The following TNKS2 variants were observed in gnomAD, a reference collection of about 807,000 sequenced individuals.
TNKS2 encodes tankyrase 2, also known as poly [ADP-ribose] polymerase tankyrase-2.
A neutral mutation model predicts 137.6 loss-of-function variants in TNKS2; 72 were observed. The ratio of observed to expected loss-of-function variants is 0.52; its 90% CI spans 0.43 to 0.64. The LOEUF (loss-of-function observed/expected upper bound fraction) is 0.64, where lower values mean the gene tolerates loss of function less well. TNKS2 is among the 30% of genes least tolerant of loss of function. TNKS2 has a pLI of 0.00. For missense variants in TNKS2, 1,049 were observed against 1,410.2 expected (o/e 0.74, Z 4.10); for synonymous variants, 516 against 512.1 (o/e 1.01, Z -0.10).
intron 6 of TNKS2, among the ~76,000 whole-genome samples, chr10:91,820,714 GGA>G (rs1292827841): frequency 1.3e-5 from 2 of 152,206 alleles, no homozygotes; most frequent in African/African-American, 4.8e-5. Context: ...TGGCTAAATT[GGA>G]GAGAGAGGAG....
intron 2 of TNKS2, among the ~76,000 whole-genome samples, chr10:91,815,948 CTTT>C (rs10691725): frequency 1.6e-5 from 2 of 125,136 alleles, no homozygotes; most frequent in East Asian, 2.3e-4. Context: ...AAGACTTTCT[CTTT>C]TTTTTTTTTT....
rs117001607 is a variant in TNKS2 at position 91,803,121 on chromosome 10, A to G, written c.199+4232A>G. 2.8e-4 allele frequency among the ~76,000 whole-genome samples: 42 copies of G among 152,352 alleles called. No homozygotes were observed. The East Asian group carries it at 7.7e-3, about 28-fold the overall frequency. ...ACTAATCTGGCCAGACAGTATGTCT[A>G]TCCCAAGTTGAGATGGGCAAAGTCC... On this transcript the variant is annotated intron_variant, in intron 1 of 26. Transcript: ENST00000371627.
intron 7 of TNKS2, among the ~76,000 whole-genome samples, chr10:91,823,743 T>C (rs1844981617): frequency 6.6e-6 from 1 of 152,198 alleles, no homozygotes. Context: ...GCACCCATTC[T>C]ACTCCTTCAG....
chr10:91,861,112 AC>A (rs1842840000), intron 25 of TNKS2, among the ~76,000 whole-genome samples: 1 of 152,170 alleles, frequency 6.6e-6, no homozygotes, highest in Non-Finnish European at 1.5e-5. Flanking sequence ...AGGGTAATCT[AC>A]TGAAACTGGT....
intron 24 of TNKS2, among the ~76,000 whole-genome samples, chr10:91,858,977 C>G (rs1026735724): frequency 7.2e-5 from 11 of 151,936 alleles, no homozygotes; most frequent in African/African-American, 2.7e-4. Flanking sequence ...CCACTGCACT[C>G]CAGCCTGGGC....
chr10:91,840,415 TAAG>T (rs1842175351), intron 13 of TNKS2, 143 bp from the exon 14 acceptor site: 2 of 666,230 alleles, frequency 3.0e-6, no homozygotes, highest in Admixed American at 3.1e-5. Context: ...CAAGGTGAAA[TAAG>T]AATACTAAAT....
chr10:91,829,112 A>C (rs991021587), intron 9 of TNKS2, among the ~76,000 whole-genome samples: 4 of 152,214 alleles, frequency 2.6e-5, no homozygotes, highest in Admixed American at 2.6e-4. Flanking sequence ...AGAGAAGATA[A>C]GTAAGTTAAT....
chr10:91,806,613 A>G (rs1441157791), intron 1 of TNKS2, among the ~76,000 whole-genome samples: 4 of 152,098 alleles, frequency 2.6e-5, no homozygotes, highest in African/African-American at 9.7e-5. Flanking sequence ...AAATAAGGCA[A>G]AGCATACTTG....
chr10:91,820,620 A>T (rs1312982012), intron 6 of TNKS2, among the ~76,000 whole-genome samples: 2 of 152,222 alleles, frequency 1.3e-5, no homozygotes, highest in African/African-American at 4.8e-5. Flanking sequence ...AGCCTAAGTA[A>T]TTCAAAGTTC....
intron 18 of TNKS2, among the ~76,000 whole-genome samples, chr10:91,847,321 T>C (rs930256565): frequency 6.6e-6 from 1 of 152,166 alleles, no homozygotes; most frequent in African/African-American, 2.4e-5. Context: ...TACCAATAAA[T>C]GTGAGGACTT....
intron 8 of TNKS2, among the ~76,000 whole-genome samples, chr10:91,827,988 A>G (rs1223838761): frequency 1.3e-5 from 2 of 152,160 alleles, no homozygotes; most frequent in Non-Finnish European, 2.9e-5. Context: ...AAGATATTGT[A>G]GTACTCCAGA....
intron 1 of TNKS2, among the ~76,000 whole-genome samples, chr10:91,800,571 T>TA (rs1319831360): frequency 9.2e-5 from 14 of 152,204 alleles, no homozygotes; most frequent in Admixed American, 9.2e-4. Flanking sequence ...GCATATTTTT[T>TA]ACATAGGTTT....
intron 1 of TNKS2, among the ~76,000 whole-genome samples, chr10:91,812,003 T>C (rs958717845): frequency 6.8e-6 from 1 of 148,078 alleles, no homozygotes; most frequent in Middle Eastern, 3.3e-3. Flanking sequence ...GAGCTTGCAG[T>C]GAGCCGAGAT....
intron 2 of TNKS2, among the ~76,000 whole-genome samples, chr10:91,815,124 A>G (rs1055280690): frequency 2.0e-5 from 3 of 152,152 alleles, no homozygotes; most frequent in African/African-American, 7.2e-5. Flanking sequence ...ACTCATTGCC[A>G]CCTTAACTCC....
chr10:91,821,632 A>G (rs181422034), intron 6 of TNKS2, among the ~76,000 whole-genome samples: 17 of 152,246 alleles, frequency 1.1e-4, no homozygotes, highest in Admixed American at 6.5e-4. Context: ...TCCCATAGAG[A>G]AAGTTCTTCC....
At chr10:91,811,724 G>A (rs1275037276) in intron 1 of TNKS2, among the ~76,000 whole-genome samples, 1 of 152,020 alleles carries the variant, frequency 6.6e-6, no homozygotes, top group Non-Finnish European at 1.5e-5. Context: ...TCTCATTGCT[G>A]GTCATCTTGG....
intron 11 of TNKS2, among the ~76,000 whole-genome samples, chr10:91,832,747 A>T (rs1336923867): frequency 6.6e-6 from 1 of 152,156 alleles, no homozygotes. Context: ...GCTATGTTGA[A>T]TAATTATTTC....
intron 23 of TNKS2, 97 bp from the exon 24 acceptor site, chr10:91,857,328 C>T: frequency 1.5e-6 from 1 of 659,160 alleles, no homozygotes; most frequent in East Asian, 2.9e-5. Flanking sequence ...ACAGTTTTGC[C>T]TACCTTCTAG....
chr10:91,844,136 G>C (rs566693799), intron 16 of TNKS2, among the ~76,000 whole-genome samples: 1 of 152,068 alleles, frequency 6.6e-6, no homozygotes, highest in African/African-American at 2.4e-5. Flanking sequence ...TAACATTACT[G>C]TGTCCAAGTT....
Sources: gnomAD v4.1 joint callset for allele counts (sites outside exome capture counted in the v4.1 genomes callset) on GRCh38, gnomAD v4.1.1 for gene constraint, MANE v1.5 for transcripts, NCBI Gene and HGNC (gene_info 2026-07-23, HGNC 2026-07-21) for gene names.